FAN1: variants seen among roughly 807,000 people sequenced by gnomAD.
FAN1 encodes the protein fanconi-associated nuclease 1.
A neutral mutation model predicts 104.9 loss-of-function variants in FAN1; 91 were observed. The observed-to-expected ratio is 0.87, with a 90% CI of 0.73 to 1.03. FAN1 has a LOEUF of 1.03. Among genes scored for constraint, FAN1 ranks in the 50% least tolerant of loss-of-function variants. The probability of loss-of-function intolerance (pLI) is 0.00; values close to 1 mark genes in which losing one functional copy is unlikely to be tolerated. For missense variants in FAN1, 1,263 were observed against 1,239.9 expected (o/e 1.02, Z -0.28); for synonymous variants, 478 against 457.6 (o/e 1.04, Z -0.57).
chr15:30,928,143 C>T (rs2062512484), intron 10 of FAN1: 3 of 1,012,540 alleles, frequency 3.0e-6, no homozygotes, highest in Non-Finnish European at 3.5e-6. Context: ...AGGGGTGGCC[C>T]AGGGACCTCC....
intron 10 of FAN1, 138 bp from the exon 11 acceptor site, chr15:30,928,415 C>T (rs1192491961): frequency 6.7e-7 from 1 of 1,487,788 alleles, no homozygotes; most frequent in Non-Finnish European, 8.9e-7. Flanking sequence ...ACAGCATTTG[C>T]TTCTGAATCT....
At position 30,905,336 on chromosome 15, in the gene FAN1, T is replaced by A. The variant is rs761020052; in HGVS notation, c.673T>A (p.Cys225Ser). 1 of 1,613,564 alleles carries A rather than the reference T, an allele frequency of 6.2e-7. No homozygotes were observed. The highest frequency in any genetic ancestry group is 1.1e-5 in the South Asian group (1 of 91,066). Reference sequence around the variant, plus strand: ...TAAATGTGATTCTCTAAAGGAAGAGTGCATTCCTGAACATATGGTAAGAGG... The same window carrying A: ...TAAATGTGATTCTCTAAAGGAAGAGAGCATTCCTGAACATATGGTAAGAGG... The part of the protein sequence containing the change: ...VFKCDSLKEE[C>S]IPEHMVRGSK... The change falls in exon 2 of 15, where the codon TGC (cysteine) becomes AGC (serine). Residue 225 changes from cysteine to serine, a missense_variant. By Grantham distance (112) the Cys-to-Ser change is moderately radical. This residue lies in a region of FAN1 where 682 missense variants were observed against 571.1 expected (regional missense o/e 1.19). Transcript: ENST00000362065.
At chr15:30,935,157 A>C (rs1465446725) in intron 13 of FAN1, among the ~76,000 whole-genome samples, 1 of 151,840 alleles carries the variant, frequency 6.6e-6, no homozygotes, top group Non-Finnish European at 1.5e-5. Flanking sequence ...ACGATAAACA[A>C]ATTAGCTGGG....
chr15:30,937,146 C>T lies in FAN1; in HGVS notation c.2944C>T (p.Arg982Cys), dbSNP rs137906418. Residue 982 changes from arginine to cysteine, a missense_variant, in exon 14 of 15, where the codon CGT becomes TGT. Around this residue, in one of 2 missense-constraint regions of FAN1, gnomAD observed 581 missense variants for 668.8 expected, o/e 0.87. Coordinates refer to ENST00000362065, the MANE Select transcript of FAN1 (RefSeq NM_014967.5). The stretch of plus-strand genomic sequence containing the variant: ...GGTGGAAGTTAAAGGCCCCAATGAT[C>T]GTCTTTCACATAAGCAGATGATCTG... ...KLVEVKGPND[R>C]LSHKQMIWLA... is the part of the protein sequence containing the mutation. 40 of 1,613,406 alleles carry T rather than the reference C, an allele frequency of 2.5e-5. No individual in the cohort carries two copies. The highest frequency in any genetic ancestry group is 3.3e-4 in the Middle Eastern group (2 of 6,084).
Position 30,904,692 on chromosome 15 carries a change from A to G in FAN1, c.29A>G (p.Lys10Arg). 6.2e-7 allele frequency: 1 copy of G among 1,605,322 alleles called. No individual in the cohort carries two copies. The highest frequency in any genetic ancestry group is 2.2e-5 in the East Asian group (1 of 44,760). The change falls in exon 2 of 15, where the codon AAA becomes AGA. Residue 10 changes from lysine to arginine, a missense_variant. Physicochemically the swap from Lys to Arg is conservative, Grantham distance 26. Around this residue, in one of 2 missense-constraint regions of FAN1, gnomAD observed 682 missense variants for 571.1 expected, o/e 1.19. Transcript: ENST00000362065. The part of the protein sequence containing the change: MMSEGKPPD[K>R]KRPRRSLSIS... ...ATGTCAGAAGGGAAACCTCCTGACAAAAAAAGGCCTCGTAGAAGCTTATCA... is the reference window on the plus strand; with the variant it reads ...ATGTCAGAAGGGAAACCTCCTGACAGAAAAAGGCCTCGTAGAAGCTTATCA...
At position 30,922,284 on chromosome 15, in the gene FAN1, C is replaced by G; in HGVS notation, c.2102C>G (p.Pro701Arg). ...CTTTTGTCTCAGAGAATTTATTGTC[C>G]TGACAGCAGAGGCCGATGGTGGGAT... ...ESLLSQRIYC[P>R]DSRGRWWDRL... The change falls in exon 8 of 15, where the codon CCT (proline) becomes CGT (arginine). Residue 701 changes from proline (P) to arginine (R), a missense_variant. This residue lies in a region of FAN1 where 581 missense variants were observed against 668.8 expected (regional missense o/e 0.87). Transcript: ENST00000362065. The G allele has an allele frequency of 6.2e-7, 1 of 1,613,976 alleles. No individual in the cohort carries two copies. The highest frequency in any genetic ancestry group is 8.5e-7 in the Non-Finnish European group (1 of 1,179,988).
In FAN1 at chr15:30,941,724, T is replaced by C. The variant is rs563365667; in HGVS notation, c.*162T>C. On this transcript the variant is annotated 3_prime_UTR_variant, in exon 15 of 15. Coordinates refer to ENST00000362065, the MANE Select transcript of FAN1 (RefSeq NM_014967.5). ...CCACTGCGCTGTTGCCGCAGCATCC[T>C]GCTCAGTACGTCGACTTCATCAGCC... is the stretch of plus-strand genomic sequence containing the variant. 6.2e-7 allele frequency: 1 copy of C among 1,613,980 alleles called. No individual in the cohort carries two copies. The highest frequency in any genetic ancestry group is 1.1e-5 in the South Asian group (1 of 91,080).
At chr15:30,941,161 C>T (rs2063034561) in intron 14 of FAN1, 1 of 1,309,966 alleles carries the variant, frequency 7.6e-7, no homozygotes, top group South Asian at 1.2e-5. Flanking sequence ...GACTGACTAT[C>T]AGATAGCCTT....
At chr15:30,932,876 A>G (rs987009769) in intron 13 of FAN1, among the ~76,000 whole-genome samples, 6 of 148,396 alleles carry the variant, frequency 4.0e-5, no homozygotes, top group Non-Finnish European at 8.9e-5. Flanking sequence ...CCATGCCTGG[A>G]TAATTTTTTT....
At position 30,905,340 on chromosome 15, in the gene FAN1, T is replaced by G; in HGVS notation, c.677T>G (p.Ile226Ser). 1 of 1,613,958 alleles carries G rather than the reference T, an allele frequency of 6.2e-7. No individual in the cohort carries two copies. The highest frequency in any genetic ancestry group is 8.5e-7 in the Non-Finnish European group (1 of 1,179,922). The change falls in exon 2 of 15, where the codon ATT becomes AGT. Residue 226 changes from isoleucine (I) to serine (S), a missense_variant. By Grantham distance (142) the Ile-to-Ser change is moderately radical. Around this residue, in one of 2 missense-constraint regions of FAN1, gnomAD observed 682 missense variants for 571.1 expected, o/e 1.19. Transcript: ENST00000362065. ...TGTGATTCTCTAAAGGAAGAGTGCATTCCTGAACATATGGTAAGAGGAAGT... is the reference window on the plus strand; with the variant it reads ...TGTGATTCTCTAAAGGAAGAGTGCAGTCCTGAACATATGGTAAGAGGAAGT... Reference protein sequence around the residue: ...FKCDSLKEECIPEHMVRGSKI... With the variant: ...FKCDSLKEECSPEHMVRGSKI...
At position 30,905,498 on chromosome 15, in the gene FAN1, T is replaced by G. The variant is rs1359860202; in HGVS notation, c.835T>G (p.Ser279Ala). 3 of 1,614,032 alleles carry G rather than the reference T, an allele frequency of 1.9e-6. No homozygotes were observed. The highest frequency in any genetic ancestry group is 2.5e-6 in the Non-Finnish European group (3 of 1,179,938). The change falls in exon 2 of 15, where the codon TCA (serine) becomes GCA (alanine). Residue 279 changes from serine (S) to alanine (A), a missense_variant. By Grantham distance (99) the Ser-to-Ala change is moderately conservative (BLOSUM62 1). Around this residue, in one of 2 missense-constraint regions of FAN1, gnomAD observed 682 missense variants for 571.1 expected, o/e 1.19. Transcript: ENST00000362065. ...TCTTAGGAATACATTAAAGTCTACT[T>G]CAGAAGACAGTCTTGTAAAGCAAGA... ...FTLRNTLKSTSEDSLVKQECI... is the reference protein window; with the variant it reads ...FTLRNTLKSTAEDSLVKQECI...
At chr15:30,938,810 A>G (rs917867068) in intron 14 of FAN1, 16 of 679,062 alleles carry the variant, frequency 2.4e-5, no homozygotes, top group Non-Finnish European at 2.9e-5. Context: ...AAAGTTACTG[A>G]TCACTACCTG....
chr15:30,931,513 A>G (rs931410683), intron 13 of FAN1, among the ~76,000 whole-genome samples: 6 of 152,224 alleles, frequency 3.9e-5, no homozygotes, highest in African/African-American at 9.6e-5. Context: ...CCAAGGTCAC[A>G]AAGAGTTTCT....
intron 7 of FAN1, among the ~76,000 whole-genome samples, chr15:30,921,418 G>A (rs923801948): frequency 1.3e-5 from 2 of 152,092 alleles, no homozygotes; most frequent in South Asian, 2.1e-4. Context: ...GAAATTTGTC[G>A]TATCCTAAAC....
chr15:30,913,836 T>C, intron 4 of FAN1, 22 bp from the exon 5 acceptor site: 1 of 1,491,998 alleles, frequency 6.7e-7, no homozygotes, highest in East Asian at 2.3e-5. Flanking sequence ...TAAAAGTTAT[T>C]TCTACATTGT....
At chr15:30,908,869 C>T (rs919200100) in intron 3 of FAN1, among the ~76,000 whole-genome samples, 9 of 152,154 alleles carry the variant, frequency 5.9e-5, no homozygotes, top group African/African-American at 1.9e-4. Context: ...CCCTTCTTGG[C>T]GCTCTCCTTC....
intron 4 of FAN1, among the ~76,000 whole-genome samples, chr15:30,913,210 A>G (rs181065265): frequency 1.3e-5 from 2 of 152,260 alleles, no homozygotes; most frequent in Admixed American, 1.3e-4. Context: ...TGTGAACCCT[A>G]TTGTGAACTG....
Position 30,905,637 on chromosome 15 carries a change from G to C in FAN1, c.974G>C (p.Ser325Thr), listed in dbSNP as rs1328527709. The change falls in exon 2 of 15, where the codon AGT (serine) becomes ACT (threonine). Residue 325 changes from serine (S) to threonine (T), a missense_variant. By Grantham distance (58) the Ser-to-Thr change is moderately conservative. Transcript: ENST00000362065. ...TCAGATTCAGAGGCAAAATCTCATA[G>C]TTCTGCAGATGATGCTTCTGCATGG... ...QLSDSEAKSH[S>T]SADDASAWSN... 1 of 1,614,000 alleles carries C rather than the reference G, an allele frequency of 6.2e-7. No homozygotes were observed. The highest frequency in any genetic ancestry group is 1.3e-5 in the African/African-American group (1 of 74,928).
At chr15:30,929,486 G>A in intron 12 of FAN1, 89 bp downstream of exon 12, 5 of 856,670 alleles carry the variant, frequency 5.8e-6, no homozygotes, top group Non-Finnish European at 9.0e-6. Flanking sequence ...AAATACACAT[G>A]TGTGTATATG....
Sources: allele counts gnomAD v4.1 joint callset (sites outside exome capture counted in the v4.1 genomes callset), GRCh38; gene constraint gnomAD v4.1.1; regional missense constraint gnomAD v4.1.1; transcripts MANE v1.5; gene names NCBI Gene and HGNC (gene_info 2026-07-23, HGNC 2026-07-21).